The following EDC3 variants were observed in gnomAD, a reference collection of about 807,000 sequenced individuals.
EDC3 encodes enhancer of mRNA decapping 3.
In EDC3, 20 loss-of-function variants were observed where a neutral mutation model predicts 41.8. That is an observed-to-expected ratio of 0.48 (90% CI 0.34 to 0.70). EDC3 has a LOEUF of 0.70. Among genes scored for constraint, EDC3 ranks in the 30% least tolerant of loss-of-function variants. The probability of loss-of-function intolerance (pLI) is 0.01; values close to 1 mark genes in which losing one functional copy is unlikely to be tolerated. For synonymous variants in EDC3, 206 were observed against 243.2 expected (o/e 0.85, Z 1.42); for missense variants, 444 against 636.8 (o/e 0.70, Z 3.26).
At chr15:74,640,272 C>T (rs2062333263) in intron 5 of EDC3, 194 bp downstream of exon 5, 2 of 601,516 alleles carry the variant, frequency 3.3e-6, no homozygotes, top group East Asian at 2.9e-5. Flanking sequence ...ATAATGAGGA[C>T]ATCTAGGAGA....
At chr15:74,684,478 CAAAAAAAAAAA>C (rs1043252193) in intron 1 of EDC3, among the ~76,000 whole-genome samples, 7 of 60,956 alleles carry the variant, frequency 1.1e-4, no homozygotes, top group African/African-American at 4.0e-4. Flanking sequence ...GACTTTGTCT[CAAAAAAAAAAA>C]AAAAAAAAAA....
intron 3 of EDC3, among the ~76,000 whole-genome samples, chr15:74,658,624 GA>G (rs60193835): frequency 0.019 from 731 of 39,052 alleles, 7 homozygotes; most frequent in African/African-American, 0.026. Flanking sequence ...TTACGTCTCT[GA>G]AAAAAAAAAA....
chr15:74,646,785 A>T (rs909407615), intron 4 of EDC3, among the ~76,000 whole-genome samples: 1 of 152,196 alleles, frequency 6.6e-6, no homozygotes, highest in Non-Finnish European at 1.5e-5. Context: ...AAGAACAGAA[A>T]GACCAAGGAG....
intron 1 of EDC3, among the ~76,000 whole-genome samples, chr15:74,692,490 C>T (rs868118356): frequency 6.6e-6 from 1 of 152,140 alleles, no homozygotes. Flanking sequence ...GAGGAAGGAA[C>T]ACTTCCCAAT....
intron 3 of EDC3, among the ~76,000 whole-genome samples, chr15:74,666,326 A>G (rs1017085141): frequency 6.6e-6 from 1 of 151,980 alleles, no homozygotes; most frequent in African/African-American, 2.4e-5. Flanking sequence ...TTCTTGAAAA[A>G]TAGTAACATT....
At chr15:74,693,965 C>A in intron 1 of EDC3, among the ~76,000 whole-genome samples, 1 of 150,960 alleles carries the variant, frequency 6.6e-6, no homozygotes. Flanking sequence ...CCAACCTGGG[C>A]AATGGAGTGA....
chr15:74,671,866 G>T lies in EDC3; in HGVS notation c.165-92C>A. On this transcript the variant is annotated intron_variant, in intron 2 of 6. Transcript: ENST00000315127. This position sits in a 1 kb window ranked among gnomAD's most constrained non-coding sequence, Gnocchi z 4.6. ...TTAGCAAACAGCTACCCCTTTGCAG[G>T]ACTGCATTTTATTGAGTTATCAGAG... 1.5e-6 allele frequency: 2 copies of T among 1,297,662 alleles called. No individual in the cohort carries two copies. Among genetic ancestry groups the T allele is most frequent in the Non-Finnish European group, 2.2e-6 (2 of 922,750 alleles). 80.4% of individuals were successfully genotyped at this position (1,297,662 alleles called of 1,614,324 possible). A position where few individuals can be genotyped will look rare whatever the true frequency, so the allele number is the denominator to read the frequency against.
At chr15:74,650,754 T>C (rs2062471116) in intron 4 of EDC3, among the ~76,000 whole-genome samples, 1 of 152,074 alleles carries the variant, frequency 6.6e-6, no homozygotes, top group Admixed American at 6.6e-5. Flanking sequence ...TCCCAGCACT[T>C]TGGAAGGACA....
At chr15:74,679,546 TAA>T (rs901527824) in intron 1 of EDC3, among the ~76,000 whole-genome samples, 6 of 151,816 alleles carry the variant, frequency 4.0e-5, no homozygotes, top group Non-Finnish European at 5.9e-5. Context: ...CTGACAACAA[TAA>T]GACAAAAACA....
At chr15:74,665,065 C>T (rs1182700927) in intron 3 of EDC3, among the ~76,000 whole-genome samples, 1 of 152,166 alleles carries the variant, frequency 6.6e-6, no homozygotes, top group Non-Finnish European at 1.5e-5. Context: ...CTCTTGTTGC[C>T]CAAGCTGGAG....
At chr15:74,636,522 A>T (rs755871007) in intron 5 of EDC3, 12 of 152,262 alleles carry the variant, frequency 7.9e-5, no homozygotes, top group Non-Finnish European at 1.6e-4. Context: ...AAAGAGGATT[A>T]GCCCCAGAGC....
At chr15:74,663,029 G>A (rs1369645997) in intron 3 of EDC3, among the ~76,000 whole-genome samples, 1 of 152,200 alleles carries the variant, frequency 6.6e-6, no homozygotes. Context: ...CTCAACACCT[G>A]TAATCCCAGC....
intron 3 of EDC3, among the ~76,000 whole-genome samples, chr15:74,663,880 G>A (rs966197405): frequency 1.3e-5 from 2 of 152,088 alleles, no homozygotes; most frequent in Non-Finnish European, 2.9e-5. Context: ...AGTGGGAGAC[G>A]CCTTAATTCT....
chr15:74,632,298 T>TGACCATTTGGC lies in EDC3; in HGVS notation c.*313_*314insGCCAAATGGTC. The TGACCATTTGGC allele has an allele frequency of 5.1e-6, 2 of 392,712 alleles. No individual in the cohort carries two copies. The highest frequency in any genetic ancestry group is 5.0e-5 in the East Asian group (1 of 20,120). 24.3% of individuals were successfully genotyped at this position (392,712 alleles called of 1,614,324 possible). ...TGTGTGTGCCCAGGCCCAGTGGCTG[T>TGACCATTTGGC]AAACCTGAAACACAGTCTTGAGAGC... On this transcript the variant is annotated 3_prime_UTR_variant, in exon 7 of 7. Transcript: ENST00000315127. The surrounding 1 kb of genome is among the most constrained non-coding windows in gnomAD (Gnocchi z 4.0).
intron 4 of EDC3, chr15:74,642,060 C>A (rs892502633): frequency 1.3e-5 from 2 of 152,210 alleles, no homozygotes; most frequent in African/African-American, 4.8e-5. Flanking sequence ...CAGGTCCAGT[C>A]CTACCTGCAT....
chr15:74,685,839 T>C (rs1231165160), intron 1 of EDC3, among the ~76,000 whole-genome samples: 1 of 152,054 alleles, frequency 6.6e-6, no homozygotes, highest in African/African-American at 2.4e-5. Flanking sequence ...GAAACTGTTT[T>C]CAAATACTAA....
chr15:74,638,804 T>C (rs753417264), intron 5 of EDC3: 2 of 152,086 alleles, frequency 1.3e-5, no homozygotes, highest in Non-Finnish European at 2.9e-5. Flanking sequence ...CTAGAAAACT[T>C]GAAGTTCACT....
chr15:74,683,741 C>T (rs2062901999), intron 1 of EDC3, among the ~76,000 whole-genome samples: 1 of 152,042 alleles, frequency 6.6e-6, no homozygotes, highest in Non-Finnish European at 1.5e-5. Flanking sequence ...AAATCAATGC[C>T]TTGCATCACA....
In EDC3 at chr15:74,632,738, C is replaced by T; in HGVS notation, c.1401G>A (p.Leu467=). 6.2e-7 allele frequency: 1 copy of T among 1,614,208 alleles called. No individual in the cohort carries two copies. Among genetic ancestry groups the T allele is most frequent in the Non-Finnish European group, 8.5e-7 (1 of 1,180,034 alleles). Residue 467 remains leucine (L), a synonymous_variant, in exon 7 of 7, where the codon CTG becomes CTA. Transcript: ENST00000315127. The surrounding 1 kb of genome is among the most constrained non-coding windows in gnomAD (Gnocchi z 4.0). ...AATAGATACGGCCTGCGTGCTCCCC[C>T]AGTGGCAGAGGCAGGCCCAGTGCCA... ...WSLALGLPLP[L]GEHAGRIYLC...
Sources: gnomAD v4.1 joint callset for allele counts (sites outside exome capture counted in the v4.1 genomes callset) on GRCh38, gnomAD v4.1.1 for gene constraint, Gnocchi (gnomAD v3.1) non-coding constraint, MANE v1.5 for transcripts, NCBI Gene and HGNC (gene_info 2026-07-23, HGNC 2026-07-21) for gene names.